Variants in KDM4C observed in about 807,000 individuals in gnomAD.
KDM4C encodes the protein lysine demethylase 4C.
A neutral mutation model predicts 129.3 loss-of-function variants in KDM4C; 81 were observed. The observed-to-expected ratio is 0.63, with a 90% CI of 0.52 to 0.75. KDM4C has a LOEUF of 0.75. Ranked by LOEUF, KDM4C falls within the 30% of genes least tolerant of loss-of-function variation. KDM4C has a pLI of 0.00. For missense variants in KDM4C, 1,457 were observed against 1,304.0 expected (o/e 1.12, Z -1.81); for synonymous variants, 573 against 456.1 (o/e 1.26, Z -3.26).
intron 17 of KDM4C, 94 bp from the exon 18 acceptor site, chr9:7,103,591 T>G (rs1348663231): frequency 3.2e-6 from 3 of 936,340 alleles, no homozygotes; most frequent in African/African-American, 3.4e-5. Context: ...TTTTTTTTTT[T>G]TTTTCTTCTC....
At chr9:6,858,356 C>G (rs1427977821) in intron 5 of KDM4C, among the ~76,000 whole-genome samples, 1 of 150,940 alleles carries the variant, frequency 6.6e-6, no homozygotes, top group Non-Finnish European at 1.5e-5. Context: ...CCACCACCAC[C>G]ACGACCACCA....
chr9:6,757,815 A>G (rs535266306), upstream of KDM4C: 3 of 985,620 alleles, frequency 3.0e-6, no homozygotes, highest in South Asian at 1.4e-4. Context: ...TCCAAAGGAC[A>G]AGAAGATGCG....
chr9:6,838,577 G>A (rs190864408), intron 4 of KDM4C, among the ~76,000 whole-genome samples: 91 of 151,992 alleles, frequency 6.0e-4, no homozygotes, highest in African/African-American at 2.1e-3. Context: ...ACTCATATTT[G>A]CCTTTATCTT....
At chr9:6,991,342 G>A (rs995296629) in intron 12 of KDM4C, among the ~76,000 whole-genome samples, 1 of 151,974 alleles carries the variant, frequency 6.6e-6, no homozygotes, top group African/African-American at 2.4e-5. Context: ...CCTCAGCCCC[G>A]CAAAGTGCTG....
intron 15 of KDM4C, among the ~76,000 whole-genome samples, chr9:7,019,744 A>ATTTTTATATATAAAAATATT (rs1563993223): frequency 1.1e-5 from 1 of 90,092 alleles, no homozygotes. Flanking sequence ...ATAAAAATAT[A>ATTTTTATATATAAAAATATT]ATATTTTTAT....
chr9:7,103,175 A>G (rs1236106057), intron 17 of KDM4C, among the ~76,000 whole-genome samples: 2 of 152,182 alleles, frequency 1.3e-5, no homozygotes, highest in Non-Finnish European at 2.9e-5. Context: ...GGACCATTTA[A>G]CACTTTACAT....
chr9:7,048,654 A>G (rs143879202), intron 16 of KDM4C, among the ~76,000 whole-genome samples: 2 of 152,222 alleles, frequency 1.3e-5, no homozygotes, highest in Non-Finnish European at 2.9e-5. Flanking sequence ...AGTTTGCTTC[A>G]TGACATTTGT....
chr9:6,986,448 T>C lies in KDM4C; in HGVS notation c.1459T>C (p.Ser487Pro), dbSNP rs776776929. 6.2e-6 allele frequency: 10 copies of C among 1,614,104 alleles called. No homozygotes were observed. The South Asian group carries it at 1.1e-4, about 18-fold the overall frequency. The part of the protein sequence containing the change: ...VPSISSEADD[S>P]IPLSSGYEKP... ...TTCTATATCCAGTGAGGCTGATGAT[T>C]CCATTCCATTGTCTAGTGGCTATGA... The change falls in exon 11 of 22, where the codon TCC (serine) becomes CCC (proline). Residue 487 changes from serine to proline, a missense_variant. Physicochemically the swap from Ser to Pro is moderately conservative, Grantham distance 74 (BLOSUM62 -1). Coordinates refer to ENST00000381309, the MANE Select transcript of KDM4C (RefSeq NM_015061.6).
chr9:7,161,891 A>C (rs1843837893), intron 19 of KDM4C, among the ~76,000 whole-genome samples: 1 of 152,238 alleles, frequency 6.6e-6, no homozygotes, highest in East Asian at 1.9e-4. Context: ...AGTCATAGGA[A>C]GTTGCTGGCA....
intron 17 of KDM4C, among the ~76,000 whole-genome samples, chr9:7,103,317 A>G (rs1430309486): frequency 6.6e-6 from 1 of 152,218 alleles, no homozygotes; most frequent in Non-Finnish European, 1.5e-5. Flanking sequence ...AAGACCTGTC[A>G]TGCAGGAGGG....
chr9:6,979,445 C>T (rs555943512), intron 8 of KDM4C, among the ~76,000 whole-genome samples: 1 of 152,214 alleles, frequency 6.6e-6, no homozygotes, highest in African/African-American at 2.4e-5. Context: ...GCATAAGGGG[C>T]ATTTGGGCTC....
intron 1 of KDM4C, among the ~76,000 whole-genome samples, chr9:6,746,416 T>C (rs748316122): frequency 2.1e-4 from 32 of 150,522 alleles, no homozygotes; most frequent in Non-Finnish European, 3.8e-4. Context: ...CTACAGGCGC[T>C]CGCCACAACG....
chr9:6,802,432 C>G (rs1007329332), intron 2 of KDM4C, among the ~76,000 whole-genome samples: 1 of 152,126 alleles, frequency 6.6e-6, no homozygotes, highest in African/African-American at 2.4e-5. Flanking sequence ...GTTTTAGAGA[C>G]CCATGTGCAT....
chr9:6,826,789 C>T (rs1833951115), intron 4 of KDM4C, among the ~76,000 whole-genome samples: 2 of 151,872 alleles, frequency 1.3e-5, no homozygotes, highest in Non-Finnish European at 2.9e-5. Context: ...ATCGCTTGAA[C>T]CTGGGAGGTA....
At chr9:6,858,093 TACAGGTTTGAGCC>T (rs1368583118) in intron 5 of KDM4C, among the ~76,000 whole-genome samples, 3 of 152,100 alleles carry the variant, frequency 2.0e-5, no homozygotes, top group Admixed American at 1.3e-4. Flanking sequence ...AGTCCTGGAT[TACAGGTTTGAGCC>T]ACTATGCCTG....
At chr9:6,882,823 C>T (rs1199970181) in intron 6 of KDM4C, among the ~76,000 whole-genome samples, 2 of 151,712 alleles carry the variant, frequency 1.3e-5, no homozygotes, top group African/African-American at 2.4e-5. Flanking sequence ...TGCACGTGCA[C>T]GCACATTGTG....
intron 18 of KDM4C, among the ~76,000 whole-genome samples, chr9:7,114,096 A>G (rs943108489): frequency 6.6e-6 from 1 of 152,198 alleles, no homozygotes; most frequent in Non-Finnish European, 1.5e-5. Context: ...CAGCAATTTC[A>G]TATTATTTGA....
chr9:6,818,910 C>G (rs967149816), intron 4 of KDM4C: 7 of 151,982 alleles, frequency 4.6e-5, no homozygotes, highest in Non-Finnish European at 7.4e-5. Flanking sequence ...TAGATATTGC[C>G]CCTGAGCTGA....
At chr9:6,866,142 C>T (rs1176268173) in intron 5 of KDM4C, among the ~76,000 whole-genome samples, 2 of 151,996 alleles carry the variant, frequency 1.3e-5, no homozygotes, top group Non-Finnish European at 2.9e-5. Flanking sequence ...GCCTTGGCCT[C>T]CCAACGTGCT....
Sources: gnomAD v4.1 joint callset for allele counts (sites outside exome capture counted in the v4.1 genomes callset) on GRCh38, gnomAD v4.1.1 for gene constraint, MANE v1.5 for transcripts, NCBI Gene and HGNC (gene_info 2026-07-23, HGNC 2026-07-21) for gene names.